Variants in HHAT observed in about 807,000 individuals in gnomAD.
The protein encoded by HHAT is protein-cysteine N-palmitoyltransferase HHAT.
A neutral mutation model predicts 70.8 loss-of-function variants in HHAT; 47 were observed. The ratio of observed to expected loss-of-function variants is 0.66; its 90% CI spans 0.53 to 0.85. The LOEUF (loss-of-function observed/expected upper bound fraction) is 0.85. Ranked by LOEUF, HHAT falls within the 40% of genes least tolerant of loss-of-function variation. The probability of loss-of-function intolerance (pLI) is 0.00; values close to 1 mark genes in which losing one functional copy is unlikely to be tolerated. For synonymous variants in HHAT, 228 were observed against 247.6 expected (o/e 0.92, Z 0.74); for missense variants, 609 against 604.8 (o/e 1.01, Z -0.07).
chr1:210,631,757 A>C (rs1403996775), intron 11 of HHAT, among the ~76,000 whole-genome samples: 1 of 152,244 alleles, frequency 6.6e-6, no homozygotes, highest in African/African-American at 2.4e-5. Context: ...TTGTCTTTGC[A>C]GTGAAGATCA....
intron 10 of HHAT, among the ~76,000 whole-genome samples, chr1:210,594,371 A>G (rs1290676660): frequency 1.3e-5 from 2 of 152,182 alleles, no homozygotes; most frequent in Non-Finnish European, 2.9e-5. Context: ...CTTATCACCC[A>G]TTATTTTAAA....
intron 7 of HHAT, among the ~76,000 whole-genome samples, chr1:210,429,379 G>A (rs992594250): frequency 2.0e-5 from 3 of 151,754 alleles, no homozygotes; most frequent in Non-Finnish European, 2.9e-5. Flanking sequence ...TTGGTTTCAT[G>A]TCTATTAGTC....
Position 210,674,485 on chromosome 1 carries a change from C to T in HHAT, c.*106C>T. On this transcript the variant is annotated 3_prime_UTR_variant, in exon 12 of 12. Coordinates refer to ENST00000261458, the MANE Select transcript of HHAT (RefSeq NM_018194.6). ...CCTCTAAGGGATTTGATCTGCTCAT[C>T]TTCAGTTGAATGCCCTCACTCCAAG... 3 of 805,344 alleles carry T rather than the reference C, an allele frequency of 3.7e-6. No individual in the cohort carries two copies. The highest frequency in any genetic ancestry group is 6.1e-6 in the Non-Finnish European group (3 of 495,802). 49.9% of individuals were successfully genotyped at this position (805,344 alleles called of 1,614,324 possible).
At chr1:210,471,633 T>C (rs1225539970) in intron 8 of HHAT, among the ~76,000 whole-genome samples, 1 of 152,098 alleles carries the variant, frequency 6.6e-6, no homozygotes, top group Admixed American at 6.6e-5. Flanking sequence ...GCCCAAACTC[T>C]AGTAATAATA....
At chr1:210,575,576 A>G (rs1167746401) in intron 9 of HHAT, among the ~76,000 whole-genome samples, 2 of 152,278 alleles carry the variant, frequency 1.3e-5, no homozygotes, top group South Asian at 2.1e-4. Context: ...AGGGAGGGAA[A>G]CAGTATATAC....
chr1:210,374,594 G>C (rs2090025946), intron 3 of HHAT, among the ~76,000 whole-genome samples: 1 of 152,078 alleles, frequency 6.6e-6, no homozygotes, highest in African/African-American at 2.4e-5. Flanking sequence ...ATCCCATCCT[G>C]GGTTAACCAT....
intron 9 of HHAT, among the ~76,000 whole-genome samples, chr1:210,556,777 G>A (rs2095576669): frequency 6.6e-6 from 1 of 152,170 alleles, no homozygotes; most frequent in Non-Finnish European, 1.5e-5. Flanking sequence ...AACAACTCAT[G>A]GACCACAGAT....
At chr1:210,597,808 G>A (rs1210485835) in intron 10 of HHAT, among the ~76,000 whole-genome samples, 2 of 151,852 alleles carry the variant, frequency 1.3e-5, no homozygotes, top group Admixed American at 6.6e-5. Context: ...TAGCCTACTC[G>A]GTGCTCTACT....
intron 3 of HHAT, among the ~76,000 whole-genome samples, chr1:210,386,230 CTTTTTTTTTTT>C (rs869305965): frequency 7.2e-5 from 5 of 69,922 alleles, no homozygotes; most frequent in African/African-American, 1.2e-4. Flanking sequence ...TTCTTTTTTT[CTTTTTTTTTTT>C]TTTTTTTTTT....
intron 7 of HHAT, among the ~76,000 whole-genome samples, chr1:210,420,668 A>T (rs1188497264): frequency 1.5e-5 from 2 of 133,486 alleles, no homozygotes; most frequent in East Asian, 1.9e-4. Flanking sequence ...AATAAAATTT[A>T]AAAAAACAAA....
At chr1:210,374,906 G>GTAGT (rs1234576694) in intron 3 of HHAT, among the ~76,000 whole-genome samples, 18 of 152,076 alleles carry the variant, frequency 1.2e-4, no homozygotes, top group Non-Finnish European at 2.5e-4. Flanking sequence ...ACAGTACCCA[G>GTAGT]TAGTTAGTTT....
chr1:210,392,589 A>G (rs1257795226), intron 4 of HHAT, among the ~76,000 whole-genome samples: 1 of 152,202 alleles, frequency 6.6e-6, no homozygotes, highest in Non-Finnish European at 1.5e-5. Context: ...TAGATAAAAT[A>G]TAGTACTAAT....
rs556358507 is a variant in HHAT at position 210,522,777 on chromosome 1, A to G, written c.1043+9589A>G. Among the ~76,000 whole-genome samples the G allele has an allele frequency of 1.5e-4, 23 of 149,728 alleles. 1 individual carries two copies. In the East Asian group the frequency reaches 2.7e-3, roughly 17 times the overall value. On this transcript the variant is annotated intron_variant, in intron 9 of 11. Coordinates refer to ENST00000261458, the MANE Select transcript of HHAT (RefSeq NM_018194.6). ...TTATCTCCTTGCCCCCCACCCCCCA[A>G]TCCCACTATACCTCTGGAATCAGAG...
chr1:210,497,099 A>C (rs994471543), intron 8 of HHAT, among the ~76,000 whole-genome samples: 2 of 152,168 alleles, frequency 1.3e-5, no homozygotes, highest in Non-Finnish European at 2.9e-5. Flanking sequence ...CTGAGTAATG[A>C]GCTTATGGGA....
At chr1:210,368,437 G>A (rs1276886284) in intron 3 of HHAT, among the ~76,000 whole-genome samples, 3 of 152,238 alleles carry the variant, frequency 2.0e-5, no homozygotes, top group Admixed American at 6.5e-5. Context: ...GGTTGCAGGC[G>A]TGTGCCACCA....
At chr1:210,493,447 A>G (rs568283492) in intron 8 of HHAT, among the ~76,000 whole-genome samples, 9 of 152,276 alleles carry the variant, frequency 5.9e-5, no homozygotes, top group African/African-American at 2.2e-4. Flanking sequence ...CAACTGACTG[A>G]ATAAGGCCCA....
chr1:210,375,961 T>C (rs1392454058), intron 3 of HHAT, among the ~76,000 whole-genome samples: 1 of 151,814 alleles, frequency 6.6e-6, no homozygotes. Context: ...AAATGATTCT[T>C]CTAACCCTCC....
intron 2 of HHAT, among the ~76,000 whole-genome samples, chr1:210,353,955 T>C (rs1325367936): frequency 6.6e-6 from 1 of 152,168 alleles, no homozygotes; most frequent in Non-Finnish European, 1.5e-5. Flanking sequence ...TTGTTGATTG[T>C]TTTTCTCAGA....
chr1:210,375,790 A>AT (rs1368801592), intron 3 of HHAT, among the ~76,000 whole-genome samples: 1 of 147,928 alleles, frequency 6.8e-6, no homozygotes, highest in Non-Finnish European at 1.5e-5. Flanking sequence ...CTGAGGCTGT[A>AT]TTTTTTCAGT....
Sources: gnomAD v4.1 joint callset for allele counts (sites outside exome capture counted in the v4.1 genomes callset) on GRCh38, gnomAD v4.1.1 for gene constraint, MANE v1.5 for transcripts, NCBI Gene and HGNC (gene_info 2026-07-23, HGNC 2026-07-21) for gene names.